The following PCSK1 variants were observed in gnomAD, a reference collection of about 807,000 sequenced individuals.
The protein encoded by PCSK1 is proprotein convertase subtilisin/kexin type 1.
Under a neutral mutation model 90.6 loss-of-function variants are expected in PCSK1, and 56 were observed. The observed-to-expected ratio is 0.62, with a 90% CI of 0.50 to 0.77. The LOEUF (loss-of-function observed/expected upper bound fraction) is 0.77. PCSK1 is among the 30% of genes least tolerant of loss of function. The pLI, the probability that PCSK1 is intolerant of heterozygous loss-of-function variation, is 0.00. For missense variants in PCSK1, 801 were observed against 932.6 expected (o/e 0.86, Z 1.84); for synonymous variants, 348 against 342.4 (o/e 1.02, Z -0.18).
At chr5:96,423,608 A>C in intron 3 of PCSK1, 149 bp from the exon 4 acceptor site, 1 of 747,646 alleles carries the variant, frequency 1.3e-6, no homozygotes, top group Non-Finnish European at 2.3e-6. Context: ...ATGAGAAAAC[A>C]AAGTTGAGAG....
chr5:96,425,784 A>G (rs1761287992), intron 3 of PCSK1, 36 bp downstream of exon 3: 1 of 1,158,464 alleles, frequency 8.6e-7, no homozygotes, highest in Non-Finnish European at 1.3e-6. Flanking sequence ...GCCAGGTCCC[A>G]GGTCCCACCC....
chr5:96,408,915 T>C (rs986606515), intron 8 of PCSK1, among the ~76,000 whole-genome samples: 2 of 152,240 alleles, frequency 1.3e-5, no homozygotes, highest in African/African-American at 4.8e-5. Context: ...GTCTTTAAAA[T>C]GGAAAGTGTG....
intron 4 of PCSK1, among the ~76,000 whole-genome samples, 170 bp downstream of exon 4, chr5:96,423,143 C>T (rs1042695270): frequency 6.6e-6 from 1 of 152,120 alleles, no homozygotes; most frequent in Non-Finnish European, 1.5e-5. Flanking sequence ...CCCACTGGTA[C>T]AAAATAAATT....
chr5:96,412,224 CAAT>C lies in PCSK1; in HGVS notation c.882+91_882+93del, dbSNP rs148762248. The C allele has an allele frequency of 4.7e-3, 5,128 of 1,085,474 alleles. 160 individuals carry two copies. In the African/African-American group the frequency reaches 0.07, roughly 15 times the overall value. 67.2% of individuals were successfully genotyped at this position (1,085,474 alleles called of 1,614,324 possible). ...AAGGACTTTGTTAAGAAATCCACAA[CAAT>C]GTTATTCCATGTAACCTAAGTGTTC... is the stretch of plus-strand genomic sequence containing the variant. On this transcript the variant is annotated intron_variant, in intron 7 of 13. Coordinates refer to ENST00000311106, the MANE Select transcript of PCSK1 (RefSeq NM_000439.5).
intron 9 of PCSK1, among the ~76,000 whole-genome samples, chr5:96,403,309 C>G (rs1479010086): frequency 1.3e-5 from 2 of 152,114 alleles, no homozygotes; most frequent in East Asian, 3.9e-4. Context: ...TACATGTGCA[C>G]AACGTGCAGT....
At chr5:96,413,382 G>A (rs1409382576) in intron 6 of PCSK1, among the ~76,000 whole-genome samples, 2 of 152,134 alleles carry the variant, frequency 1.3e-5, no homozygotes. Flanking sequence ...CTGGCTTCAG[G>A]CTCATAATAC....
intron 6 of PCSK1, among the ~76,000 whole-genome samples, chr5:96,414,974 G>T (rs1223754887): frequency 1.3e-5 from 2 of 152,176 alleles, no homozygotes. Context: ...CAAATGCAAG[G>T]TATACTCATG....
At chr5:96,423,564 C>T (rs566534360) in intron 3 of PCSK1, 105 bp from the exon 4 acceptor site, 76 of 1,021,600 alleles carry the variant, frequency 7.4e-5, no homozygotes, top group Non-Finnish European at 1.0e-4. Context: ...TTCCTTGGGT[C>T]ACTCTACTCT....
rs11741888 is a variant in PCSK1 at position 96,394,757 on chromosome 5, C to T, written c.1884+107G>A. On this transcript the variant is annotated intron_variant, in intron 13 of 13. Coordinates refer to ENST00000311106, the MANE Select transcript of PCSK1 (RefSeq NM_000439.5). ...TACCACTATCACTTCTTATCCTCCC[C>T]ATCCATGTTTGACTTATTTCCTGCT... 0.24 allele frequency: 220,580 copies of T among 930,106 alleles called. 28,769 individuals are homozygous for T. Among genetic ancestry groups the T allele is most frequent in the Non-Finnish European group, 0.26 (146,224 of 557,066 alleles). 57.6% of individuals were successfully genotyped at this position (930,106 alleles called of 1,614,324 possible).
At chr5:96,432,040 C>T in intron 1 of PCSK1, 1 of 1,390,684 alleles carries the variant, frequency 7.2e-7, no homozygotes, top group Non-Finnish European at 9.9e-7. Context: ...TTCACTTGGA[C>T]AGGCAACAAT....
intron 13 of PCSK1, among the ~76,000 whole-genome samples, chr5:96,393,865 G>A (rs1470136047): frequency 1.3e-5 from 2 of 152,214 alleles, no homozygotes; most frequent in African/African-American, 2.4e-5. Flanking sequence ...GTGGTCAGGG[G>A]AGAGACTGAG....
At chr5:96,400,335 A>AGT in intron 9 of PCSK1, 149 bp from the exon 10 acceptor site, 5 of 670,858 alleles carry the variant, frequency 7.5e-6, no homozygotes, top group Middle Eastern at 7.8e-4. Context: ...TACTGTTCAT[A>AGT]TATCTTTTCA....
chr5:96,424,328 G>A (rs991451063), intron 3 of PCSK1, among the ~76,000 whole-genome samples: 1 of 152,160 alleles, frequency 6.6e-6, no homozygotes, highest in African/African-American at 2.4e-5. Flanking sequence ...ATCACAGGAG[G>A]CTGGAACTGT....
intron 5 of PCSK1, among the ~76,000 whole-genome samples, chr5:96,420,545 T>C (rs1015065871): frequency 6.6e-6 from 1 of 152,224 alleles, no homozygotes; most frequent in Admixed American, 6.5e-5. Flanking sequence ...GTCATATCCC[T>C]GAACTATCCA....
chr5:96,402,473 T>C (rs1014659765), intron 9 of PCSK1, among the ~76,000 whole-genome samples: 3 of 152,078 alleles, frequency 2.0e-5, no homozygotes, highest in African/African-American at 7.2e-5. Flanking sequence ...CTAGACACTT[T>C]CCTCACTCAG....
At chr5:96,411,064 G>A (rs1283092305) in intron 7 of PCSK1, 78 bp from the exon 8 acceptor site, 3 of 1,000,604 alleles carry the variant, frequency 3.0e-6, no homozygotes, top group Non-Finnish European at 4.8e-6. Context: ...AATCCCCAAC[G>A]ACTACATGTG....
chr5:96,418,998 A>G (rs920961588), intron 5 of PCSK1, among the ~76,000 whole-genome samples: 1 of 152,000 alleles, frequency 6.6e-6, no homozygotes, highest in South Asian at 2.1e-4. Context: ...CACAGCAAAC[A>G]CTTACTTAAC....
intron 2 of PCSK1, among the ~76,000 whole-genome samples, chr5:96,428,274 G>A (rs1213117507): frequency 6.6e-6 from 1 of 152,032 alleles, no homozygotes; most frequent in East Asian, 1.9e-4. Context: ...TTCCCCCTGG[G>A]AAGTTGAAAG....
At chr5:96,409,822 G>A (rs1164377488) in intron 8 of PCSK1, among the ~76,000 whole-genome samples, 1 of 152,196 alleles carries the variant, frequency 6.6e-6, no homozygotes, top group Non-Finnish European at 1.5e-5. Context: ...GTGAGAAGCA[G>A]GCCCACACTT....
Sources: gnomAD v4.1 joint callset for allele counts (sites outside exome capture counted in the v4.1 genomes callset) on GRCh38, gnomAD v4.1.1 for gene constraint, MANE v1.5 for transcripts, NCBI Gene and HGNC (gene_info 2026-07-23, HGNC 2026-07-21) for gene names.